The following KATNIP variants were observed in gnomAD, a reference collection of about 807,000 sequenced individuals.
The protein encoded by KATNIP is katanin-interacting protein.
Under a neutral mutation model 174.0 loss-of-function variants are expected in KATNIP, and 126 were observed. The observed-to-expected ratio is 0.72, with a 90% CI of 0.63 to 0.84. The LOEUF is 0.84. Ranked by LOEUF, KATNIP falls within the 40% of genes least tolerant of loss-of-function variation. The probability of loss-of-function intolerance (pLI) is 0.00; values close to 1 mark genes in which losing one functional copy is unlikely to be tolerated. For synonymous variants in KATNIP, 810 were observed against 835.7 expected, an observed-to-expected ratio of 0.97 and a Z score of 0.53; for missense variants, 1,958 against 2,109.7, an observed-to-expected ratio of 0.93 and a Z score of 1.41.
intron 1 of KATNIP, among the ~76,000 whole-genome samples, chr16:27,551,897 CTCATAATAA>C (rs1411648372): frequency 1.3e-5 from 2 of 151,776 alleles, no homozygotes; most frequent in African/African-American, 2.4e-5. Flanking sequence ...GGTGCAGTGG[CTCATAATAA>C]TCATAATAAT....
intron 15 of KATNIP, among the ~76,000 whole-genome samples, chr16:27,741,223 TCCTGCCTTTCATAGAG>T (rs2081096850): frequency 6.6e-6 from 1 of 152,228 alleles, no homozygotes; most frequent in Non-Finnish European, 1.5e-5. Context: ...GACTTTGTTC[TCCTGCCTTTCATAGAG>T]ACATCGGTCT....
At chr16:27,665,585 T>C in intron 6 of KATNIP, among the ~76,000 whole-genome samples, 1 of 152,068 alleles carries the variant, frequency 6.6e-6, no homozygotes, top group South Asian at 2.1e-4. Context: ...CAGACTAATA[T>C]ACCATGTCTG....
chr16:27,766,542 C>T (rs1476754918), intron 20 of KATNIP, 68 bp downstream of exon 20: 3 of 1,499,740 alleles, frequency 2.0e-6, no homozygotes, highest in African/African-American at 1.4e-5. Flanking sequence ...GAATGGCTGG[C>T]GTGGCAGCCA....
At chr16:27,756,986 T>C (rs1354060268) in intron 18 of KATNIP, among the ~76,000 whole-genome samples, 1 of 152,232 alleles carries the variant, frequency 6.6e-6, no homozygotes, top group Non-Finnish European at 1.5e-5. Flanking sequence ...CAACTTCTGT[T>C]TTCCTGAATC....
At chr16:27,554,641 C>T (rs760865289) in intron 1 of KATNIP, among the ~76,000 whole-genome samples, 1 of 151,994 alleles carries the variant, frequency 6.6e-6, no homozygotes, top group African/African-American at 2.4e-5. Context: ...AGTCTTAGGA[C>T]GTTATTGTAG....
intron 13 of KATNIP, among the ~76,000 whole-genome samples, chr16:27,713,728 T>TATGTA (rs146481001): frequency 3.7e-4 from 3 of 8,146 alleles, no homozygotes; most frequent in African/African-American, 4.6e-4. Flanking sequence ...TGTGTGTGTA[T>TATGTA]TATATACACA....
At chr16:27,775,457 C>T (rs1053900708) in intron 24 of KATNIP, among the ~76,000 whole-genome samples, 5 of 152,238 alleles carry the variant, frequency 3.3e-5, no homozygotes, top group Non-Finnish European at 2.9e-5. Context: ...CCCAGCTCTC[C>T]GCACACTCAC....
chr16:27,722,047 G>A (rs1211844531), intron 14 of KATNIP, among the ~76,000 whole-genome samples: 2 of 152,224 alleles, frequency 1.3e-5, no homozygotes, highest in Non-Finnish European at 2.9e-5. Context: ...CCTGCATTTG[G>A]ACTCCAGGCC....
chr16:27,565,303 T>TA (rs1472623735), intron 1 of KATNIP, among the ~76,000 whole-genome samples: 1 of 150,486 alleles, frequency 6.6e-6, no homozygotes, highest in Admixed American at 6.6e-5. Context: ...CCGTCTCTGT[T>TA]AAAAATGCAA....
chr16:27,710,621 C>G (rs1480512996), intron 13 of KATNIP, among the ~76,000 whole-genome samples: 1 of 152,144 alleles, frequency 6.6e-6, no homozygotes, highest in Non-Finnish European at 1.5e-5. Context: ...CCTGCCTCAG[C>G]CTCCTAAATA....
intron 2 of KATNIP, among the ~76,000 whole-genome samples, chr16:27,602,852 C>T (rs534875221): frequency 6.6e-6 from 1 of 152,304 alleles, no homozygotes; most frequent in South Asian, 2.1e-4. Flanking sequence ...GCGCCCACCA[C>T]CACACCCGGC....
intron 6 of KATNIP, among the ~76,000 whole-genome samples, chr16:27,670,653 G>A (rs533345042): frequency 3.3e-4 from 50 of 152,186 alleles, no homozygotes; most frequent in Non-Finnish European, 2.2e-4. Flanking sequence ...AACCACATGT[G>A]TTCCAGGGAT....
chr16:27,614,377 T>C (rs2075982920), intron 2 of KATNIP, among the ~76,000 whole-genome samples: 1 of 152,164 alleles, frequency 6.6e-6, no homozygotes, highest in African/African-American at 2.4e-5. Flanking sequence ...TCCAGGCTGG[T>C]CTTGAACTCC....
At chr16:27,636,022 G>A (rs914023733) in intron 5 of KATNIP, among the ~76,000 whole-genome samples, 4 of 151,972 alleles carry the variant, frequency 2.6e-5, no homozygotes, top group African/African-American at 9.7e-5. Context: ...GCATAGTAGC[G>A]CACACCTCTA....
At chr16:27,773,272 A>G in intron 23 of KATNIP, 63 bp downstream of exon 23, 1 of 1,143,546 alleles carries the variant, frequency 8.7e-7, no homozygotes, top group Non-Finnish European at 1.3e-6. Flanking sequence ...AGGGTCGGGA[A>G]CGGGGCAGAA....
At chr16:27,553,155 A>C (rs2089464426) in intron 1 of KATNIP, among the ~76,000 whole-genome samples, 1 of 152,238 alleles carries the variant, frequency 6.6e-6, no homozygotes, top group African/African-American at 2.4e-5. Flanking sequence ...GTCGTTTAGA[A>C]AATGTTGGTT....
chr16:27,726,008 G>T lies in KATNIP; in HGVS notation c.1743+4313G>T, dbSNP rs1014679870. Among the ~76,000 whole-genome samples the T allele has an allele frequency of 3.9e-5, 6 of 152,132 alleles. No individual in the cohort carries two copies. The East Asian group carries it at 9.7e-4, about 24-fold the overall frequency. Reference sequence around the variant, plus strand: ...TCCCCAGCCCCCAGGCCACAGACCAGTACCAGTCTGTGGCCTGTTAGGAAC... The same window carrying T: ...TCCCCAGCCCCCAGGCCACAGACCATTACCAGTCTGTGGCCTGTTAGGAAC... On this transcript the variant is annotated intron_variant, in intron 14 of 27. Coordinates refer to ENST00000261588, the MANE Select transcript of KATNIP (RefSeq NM_015202.5).
intron 1 of KATNIP, among the ~76,000 whole-genome samples, chr16:27,571,310 G>A (rs1281372228): frequency 6.6e-6 from 1 of 152,156 alleles, no homozygotes; most frequent in Non-Finnish European, 1.5e-5. Flanking sequence ...TAGAATTACA[G>A]GCATGAGCCA....
intron 2 of KATNIP, among the ~76,000 whole-genome samples, chr16:27,604,997 C>T (rs920548028): frequency 3.3e-5 from 5 of 152,130 alleles, no homozygotes; most frequent in African/African-American, 7.2e-5. Context: ...GGCGTGATCT[C>T]GGCTCACTGC....
Sources: allele counts gnomAD v4.1 joint callset (sites outside exome capture counted in the v4.1 genomes callset), GRCh38; gene constraint gnomAD v4.1.1; transcripts MANE v1.5; gene names NCBI Gene and HGNC (gene_info 2026-07-23, HGNC 2026-07-21).